The following ZBTB7C variants were observed in gnomAD, a reference collection of about 807,000 sequenced individuals.
ZBTB7C encodes zinc finger and BTB domain containing 7C, also known as zinc finger and BTB domain-containing protein 7C.
A neutral mutation model predicts 25.7 loss-of-function variants in ZBTB7C; 8 were observed. The ratio of observed to expected loss-of-function variants is 0.31; its 90% CI spans 0.18 to 0.56. The LOEUF (loss-of-function observed/expected upper bound fraction) is 0.56, where lower values mean the gene tolerates loss of function less well. ZBTB7C is among the 20% of genes least tolerant of loss of function. The pLI, the probability that ZBTB7C is intolerant of heterozygous loss-of-function variation, is 0.91. For missense variants in ZBTB7C, 824 were observed against 855.2 expected (o/e 0.96, Z 0.46); for synonymous variants, 394 against 369.0 (o/e 1.07, Z -0.78).
chr18:48,134,492 C>T (rs560579401), intron 3 of ZBTB7C, among the ~76,000 whole-genome samples: 1 of 152,282 alleles, frequency 6.6e-6, no homozygotes, highest in East Asian at 1.9e-4. Flanking sequence ...CTAAAACCGC[C>T]CCGGAAGGCC....
intron 2 of ZBTB7C, among the ~76,000 whole-genome samples, chr18:48,315,614 G>A (rs2045929622): frequency 6.6e-6 from 1 of 152,100 alleles, no homozygotes; most frequent in Non-Finnish European, 1.5e-5. Flanking sequence ...AGGTAACGAG[G>A]TAGACTGGAG....
At chr18:48,323,429 A>G (rs2046143940) in intron 2 of ZBTB7C, among the ~76,000 whole-genome samples, 1 of 152,186 alleles carries the variant, frequency 6.6e-6, no homozygotes, top group African/African-American at 2.4e-5. Flanking sequence ...GGGGGAAGTT[A>G]GGCAACTTGC....
intron 3 of ZBTB7C, among the ~76,000 whole-genome samples, chr18:48,168,980 A>G (rs774943102): frequency 1.3e-5 from 2 of 152,218 alleles, no homozygotes; most frequent in Non-Finnish European, 2.9e-5. Context: ...GGCTGAGGTA[A>G]GACACCCCTG....
intron 2 of ZBTB7C, among the ~76,000 whole-genome samples, chr18:48,272,530 C>A (rs1291809080): frequency 2.0e-5 from 3 of 152,172 alleles, no homozygotes; most frequent in Non-Finnish European, 4.4e-5. Context: ...AATAAAAATG[C>A]CTGCAGGTTA....
chr18:48,339,041 G>A (rs190203430), intron 1 of ZBTB7C, among the ~76,000 whole-genome samples: 33 of 152,302 alleles, frequency 2.2e-4, no homozygotes, highest in South Asian at 1.2e-3. Flanking sequence ...CAGAGACACC[G>A]GCTCCACAGA....
intron 3 of ZBTB7C, among the ~76,000 whole-genome samples, chr18:48,122,049 G>A (rs1205933446): frequency 6.6e-6 from 1 of 152,194 alleles, no homozygotes; most frequent in East Asian, 1.9e-4. Context: ...TGGGGAGGAG[G>A]TGCCAGGCTC....
intron 2 of ZBTB7C, among the ~76,000 whole-genome samples, chr18:48,262,482 T>C (rs1299756822): frequency 1.3e-5 from 2 of 152,152 alleles, no homozygotes; most frequent in East Asian, 3.9e-4. Context: ...CACAAGAAAC[T>C]CTCTAAGACA....
chr18:48,212,283 A>G (rs562277766), intron 2 of ZBTB7C, among the ~76,000 whole-genome samples: 1 of 152,344 alleles, frequency 6.6e-6, no homozygotes, highest in Non-Finnish European at 1.5e-5. Context: ...TCTGGAAAAG[A>G]CAGAACTAGG....
At chr18:48,311,388 G>T (rs2045815021) in intron 2 of ZBTB7C, among the ~76,000 whole-genome samples, 3 of 152,180 alleles carry the variant, frequency 2.0e-5, no homozygotes, top group Admixed American at 6.5e-5. Flanking sequence ...TTCTGCCTAA[G>T]AAGAAGCCAG....
intron 2 of ZBTB7C, among the ~76,000 whole-genome samples, chr18:48,255,625 A>C (rs62088932): frequency 0.032 from 4,813 of 149,268 alleles, 102 homozygotes; most frequent in Non-Finnish European, 0.047. Context: ...TAATCTTTAC[A>C]AGAAAAGTAA....
intron 2 of ZBTB7C, among the ~76,000 whole-genome samples, chr18:48,204,313 C>T (rs1915601539): frequency 2.0e-5 from 3 of 152,206 alleles, no homozygotes; most frequent in Admixed American, 2.0e-4. Context: ...TGAACCTACC[C>T]ACCCCATTCC....
chr18:48,141,143 A>ACCCCCCCCCCC (rs201273460), intron 3 of ZBTB7C, among the ~76,000 whole-genome samples: 6 of 96,082 alleles, frequency 6.2e-5, no homozygotes, highest in Non-Finnish European at 1.3e-4. Flanking sequence ...TCCCCCCCGC[A>ACCCCCCCCCCC]CCACCCCCCC....
chr18:48,180,186 C>A, intron 3 of ZBTB7C: 1 of 206,004 alleles, frequency 4.9e-6, no homozygotes, highest in Non-Finnish European at 1.0e-5. Context: ...CCTCCCTTCC[C>A]TGCAAGGAAG....
At chr18:48,176,616 C>CGTGT (rs10533963) in intron 3 of ZBTB7C, among the ~76,000 whole-genome samples, 14,790 of 149,706 alleles carry the variant, frequency 0.099, 2,262 homozygotes, top group African/African-American at 0.33. Flanking sequence ...AGGAAATACA[C>CGTGT]GTGTGTGTGT....
At chr18:48,065,150 G>A (rs1430022099) in intron 3 of ZBTB7C, among the ~76,000 whole-genome samples, 2 of 150,910 alleles carry the variant, frequency 1.3e-5, no homozygotes, top group East Asian at 2.0e-4. Flanking sequence ...GAGCGCATGC[G>A]CACACAGCGC....
intron 2 of ZBTB7C, among the ~76,000 whole-genome samples, chr18:48,271,003 T>C: frequency 6.6e-6 from 1 of 152,132 alleles, no homozygotes; most frequent in East Asian, 1.9e-4. Flanking sequence ...ACAATTTTCT[T>C]TAAAACTACA....
chr18:48,167,894 T>A (rs140814004), intron 3 of ZBTB7C, among the ~76,000 whole-genome samples: 241 of 152,300 alleles, frequency 1.6e-3, no homozygotes, highest in African/African-American at 5.5e-3. Flanking sequence ...AAGTTTTCCA[T>A]AAGAGCAGCA....
intron 3 of ZBTB7C, chr18:48,137,446 A>C: frequency 5.2e-6 from 2 of 385,528 alleles, no homozygotes; most frequent in Non-Finnish European, 7.1e-6. Context: ...GTACTTCACA[A>C]AATGACTTAC....
chr18:48,364,497 C>G (rs1424121524), intron 1 of ZBTB7C, among the ~76,000 whole-genome samples: 1 of 151,986 alleles, frequency 6.6e-6, no homozygotes, highest in Non-Finnish European at 1.5e-5. Flanking sequence ...GGCTTGTGGT[C>G]GAGAAATGTG....
Sources: allele counts gnomAD v4.1 joint callset (sites outside exome capture counted in the v4.1 genomes callset), GRCh38; gene constraint gnomAD v4.1.1; transcripts MANE v1.5; gene names NCBI Gene and HGNC (gene_info 2026-07-23, HGNC 2026-07-21).